ARHGAP24: variants seen among roughly 807,000 people sequenced by gnomAD.
ARHGAP24 encodes the protein rho GTPase-activating protein 24.
A neutral mutation model predicts 76.4 loss-of-function variants in ARHGAP24; 50 were observed. The ratio of observed to expected loss-of-function variants is 0.65; its 90% confidence interval spans 0.52 to 0.83. The LOEUF (loss-of-function observed/expected upper bound fraction) is 0.83. ARHGAP24 is among the 40% of genes least tolerant of loss of function. The pLI is 0.00. For synonymous variants in ARHGAP24, 345 were observed against 323.3 expected, an observed-to-expected ratio of 1.07 and a Z score of -0.72; for missense variants, 930 against 914.2, an observed-to-expected ratio of 1.02 and a Z score of -0.22.
chr4:85,816,721 T>G (rs1013316269), intron 3 of ARHGAP24, among the ~76,000 whole-genome samples: 1 of 152,160 alleles, frequency 6.6e-6, no homozygotes, highest in Admixed American at 6.5e-5. Context: ...AATGCTGCAA[T>G]AAACATGGGA....
At chr4:85,647,741 T>G (rs1376020327) in intron 2 of ARHGAP24, among the ~76,000 whole-genome samples, 1 of 152,138 alleles carries the variant, frequency 6.6e-6, no homozygotes, top group Non-Finnish European at 1.5e-5. Flanking sequence ...CAAACATCAG[T>G]GGTCTTTGCT....
chr4:85,753,007 A>G (rs539245871), intron 3 of ARHGAP24, among the ~76,000 whole-genome samples: 1 of 152,320 alleles, frequency 6.6e-6, no homozygotes, highest in Non-Finnish European at 1.5e-5. Flanking sequence ...AGGAGTAGGA[A>G]CTGAACTTTT....
At chr4:85,897,241 A>G (rs764588738) in intron 3 of ARHGAP24, among the ~76,000 whole-genome samples, 1 of 152,188 alleles carries the variant, frequency 6.6e-6, no homozygotes, top group Non-Finnish European at 1.5e-5. Flanking sequence ...TCTGTTGTCA[A>G]GCAGAAGCAC....
intron 2 of ARHGAP24, among the ~76,000 whole-genome samples, chr4:85,655,791 A>ATG: frequency 1.9e-5 from 1 of 52,154 alleles, no homozygotes; most frequent in African/African-American, 8.4e-5. Flanking sequence ...ATATATATAT[A>ATG]TAGAGAGAGA....
At chr4:85,583,131 G>A (rs1727686556) in intron 2 of ARHGAP24, among the ~76,000 whole-genome samples, 1 of 152,054 alleles carries the variant, frequency 6.6e-6, no homozygotes, top group African/African-American at 2.4e-5. Flanking sequence ...ACTGAGCTCA[G>A]AAATTAAAAT....
At chr4:85,638,785 C>G (rs1721415419) in intron 2 of ARHGAP24, among the ~76,000 whole-genome samples, 2 of 152,120 alleles carry the variant, frequency 1.3e-5, no homozygotes, top group Non-Finnish European at 2.9e-5. Context: ...ACTGAACACC[C>G]TGTTCTTCAA....
Position 85,629,330 on chromosome 4 carries a change from G to C in ARHGAP24, c.180+58609G>C, listed in dbSNP as rs186617557. ...GTGTATCCATTAGCAAATTACTGTA[G>C]CTATACTTAATACTTTTGACTTTTA... On this transcript the variant is annotated intron_variant, in intron 2 of 9. Coordinates refer to ENST00000395184, the MANE Select transcript of ARHGAP24 (RefSeq NM_001025616.3). Among the ~76,000 whole-genome samples, 6 of 152,156 alleles carry C rather than the reference G, an allele frequency of 3.9e-5. No individual in the cohort carries two copies. In the East Asian group the frequency reaches 1.2e-3, roughly 29 times the overall value.
intron 3 of ARHGAP24, among the ~76,000 whole-genome samples, chr4:85,871,044 T>C (rs901303589): frequency 6.6e-6 from 1 of 152,166 alleles, no homozygotes; most frequent in Non-Finnish European, 1.5e-5. Context: ...ATTTATTCTC[T>C]CTTTTGAATA....
intron 2 of ARHGAP24, among the ~76,000 whole-genome samples, chr4:85,648,235 A>ATAGAAGTTAGTTTT (rs1560568534): frequency 6.6e-6 from 1 of 152,112 alleles, no homozygotes; most frequent in Non-Finnish European, 1.5e-5. Context: ...GTTATATCTT[A>ATAGAAGTTAGTTTT]CAGAAGTCCT....
chr4:85,824,180 T>C (rs1012314358), intron 3 of ARHGAP24, among the ~76,000 whole-genome samples: 4 of 152,344 alleles, frequency 2.6e-5, no homozygotes, highest in Admixed American at 1.3e-4. Context: ...CATAAGATGG[T>C]TGCTAAAAGC....
chr4:85,518,247 G>A lies in ARHGAP24; in HGVS notation c.-21+42688G>A, dbSNP rs141821041. Among the ~76,000 whole-genome samples the A allele has an allele frequency of 2.5e-3, 373 of 152,190 alleles. 3 individuals are homozygous for A. Among genetic ancestry groups the A allele is most frequent in the African/African-American group, 8.7e-3 (362 of 41,530 alleles). On this transcript the variant is annotated intron_variant, in intron 1 of 9. Transcript: ENST00000395184. ...TATGAAAAAGAATTGGTGCTTAGAGGCAGAAAATCTTTAGCTAACTAGGAA... is the reference window on the plus strand; with the variant it reads ...TATGAAAAAGAATTGGTGCTTAGAGACAGAAAATCTTTAGCTAACTAGGAA...
At chr4:85,526,867 G>A (rs574154885) in intron 1 of ARHGAP24, among the ~76,000 whole-genome samples, 12 of 152,216 alleles carry the variant, frequency 7.9e-5, no homozygotes, top group East Asian at 3.9e-4. Context: ...AGATGCATAC[G>A]TATAATGTAG....
intron 3 of ARHGAP24, among the ~76,000 whole-genome samples, chr4:85,783,147 T>C (rs1000066594): frequency 6.6e-6 from 1 of 152,180 alleles, no homozygotes; most frequent in Admixed American, 6.5e-5. Context: ...GAAAGTGGAA[T>C]TGGAGGACAA....
intron 1 of ARHGAP24, among the ~76,000 whole-genome samples, chr4:85,536,834 T>C (rs1185259619): frequency 6.6e-6 from 1 of 152,166 alleles, no homozygotes; most frequent in Non-Finnish European, 1.5e-5. Flanking sequence ...GGTACCTTTG[T>C]GTATGAGAGT....
In ARHGAP24 at chr4:85,821,304, T is replaced by G. The variant is rs143032144; in HGVS notation, c.268+99332T>G. Among the ~76,000 whole-genome samples, 1,444 of 152,304 alleles carry G rather than the reference T, an allele frequency of 9.5e-3. 27 individuals carry two copies. The highest frequency in any genetic ancestry group is 0.033 in the African/African-American group (1,352 of 41,562). On this transcript the variant is annotated intron_variant, in intron 3 of 9. Coordinates refer to ENST00000395184, the MANE Select transcript of ARHGAP24 (RefSeq NM_001025616.3). ...ATTTTGAACAGATATGATCATTACGTTGAGTAGATTAAACTTGAAAAAGTT... is the reference window on the plus strand; with the variant it reads ...ATTTTGAACAGATATGATCATTACGGTGAGTAGATTAAACTTGAAAAAGTT...
chr4:85,641,180 T>G (rs1470999458), intron 2 of ARHGAP24, among the ~76,000 whole-genome samples: 1 of 152,142 alleles, frequency 6.6e-6, no homozygotes, highest in African/African-American at 2.4e-5. Context: ...CACTGTGGCC[T>G]CAAACTCCTG....
At chr4:85,930,159 G>C in intron 4 of ARHGAP24, 3 of 798,704 alleles carry the variant, frequency 3.8e-6, no homozygotes, top group Non-Finnish European at 4.5e-6. Flanking sequence ...TGAGAAAAGG[G>C]GAGACGGAGC....
chr4:85,981,084 A>G (rs1739635669), intron 8 of ARHGAP24, among the ~76,000 whole-genome samples: 1 of 152,196 alleles, frequency 6.6e-6, no homozygotes, highest in Admixed American at 6.5e-5. Flanking sequence ...GTCTGTATAA[A>G]GCACTTCTGC....
intron 3 of ARHGAP24, among the ~76,000 whole-genome samples, chr4:85,732,296 A>T (rs1725438166): frequency 6.6e-6 from 1 of 152,218 alleles, no homozygotes; most frequent in African/African-American, 2.4e-5. Context: ...TGTCAGAATG[A>T]GAAAGGGGAA....
Sources: allele counts gnomAD v4.1 joint callset (sites outside exome capture counted in the v4.1 genomes callset), GRCh38; gene constraint gnomAD v4.1.1; transcripts MANE v1.5; gene names NCBI Gene and HGNC (gene_info 2026-07-23, HGNC 2026-07-21).